EPB41L2: variants seen among roughly 807,000 people sequenced by gnomAD.
The protein encoded by EPB41L2 is band 4.1-like protein 2.
A neutral mutation model predicts 113.0 loss-of-function variants in EPB41L2; 43 were observed. The observed-to-expected ratio is 0.38, with a 90% CI of 0.30 to 0.49. The LOEUF (loss-of-function observed/expected upper bound fraction) is 0.49. EPB41L2 is among the 20% of genes least tolerant of loss of function. The probability of loss-of-function intolerance (pLI) is 0.95; values close to 1 mark genes in which losing one functional copy is unlikely to be tolerated. For synonymous variants in EPB41L2, 442 were observed against 436.7 expected (o/e 1.01, Z -0.15); for missense variants, 1,147 against 1,223.4 (o/e 0.94, Z 0.93).
intron 3 of EPB41L2, among the ~76,000 whole-genome samples, chr6:130,954,102 G>A (rs1816510666): frequency 8.2e-6 from 1 of 121,960 alleles, no homozygotes; most frequent in Non-Finnish European, 1.6e-5. Flanking sequence ...GCCCAGGCTG[G>A]AGTGCAGTGG....
chr6:130,849,216 G>A (rs1348705771), intron 19 of EPB41L2, among the ~76,000 whole-genome samples: 1 of 152,204 alleles, frequency 6.6e-6, no homozygotes, highest in Non-Finnish European at 1.5e-5. Context: ...ACCACAGGGA[G>A]AGCAGGCTCA....
chr6:130,958,888 A>G (rs1048872679), intron 1 of EPB41L2, among the ~76,000 whole-genome samples: 5 of 152,248 alleles, frequency 3.3e-5, no homozygotes, highest in East Asian at 1.9e-4. Flanking sequence ...GAGAAATGTA[A>G]TAAGATTCTC....
intron 12 of EPB41L2, chr6:130,882,916 A>C (rs1310446049): frequency 6.5e-6 from 1 of 152,718 alleles, no homozygotes; most frequent in African/African-American, 2.4e-5. Context: ...TGGGAGAAGG[A>C]CAGTCAGGCT....
intron 1 of EPB41L2, among the ~76,000 whole-genome samples, chr6:131,021,427 T>C (rs548576907): frequency 1.3e-5 from 2 of 152,276 alleles, no homozygotes; most frequent in South Asian, 2.1e-4. Context: ...AAGCAAGGTA[T>C]ACACCCCAAA....
intron 10 of EPB41L2, among the ~76,000 whole-genome samples, chr6:130,893,028 G>A (rs1024665409): frequency 2.0e-5 from 3 of 151,920 alleles, no homozygotes; most frequent in Non-Finnish European, 4.4e-5. Flanking sequence ...CTGAGGAAAC[G>A]GAGAAAACAA....
rs973932464 is a variant in EPB41L2, at chr6:131,045,780, T to A, written c.-15+17375A>T. 2.0e-5 allele frequency among the ~76,000 whole-genome samples: 3 copies of A among 152,160 alleles called. No individual in the cohort carries two copies. In the South Asian group the frequency reaches 6.2e-4, roughly 32 times the overall value. Reference sequence around the variant, plus strand: ...GATAAGCAATCCTTGTTTGTTACCATTAAAAATCACTGGCAAAAATATCTT... The same window carrying A: ...GATAAGCAATCCTTGTTTGTTACCAATAAAAATCACTGGCAAAAATATCTT... On this transcript the variant is annotated intron_variant, in intron 1 of 19. Transcript: ENST00000337057.
At chr6:130,879,529 C>A (rs746509879) in intron 13 of EPB41L2, among the ~76,000 whole-genome samples, 1 of 152,092 alleles carries the variant, frequency 6.6e-6, no homozygotes, top group South Asian at 2.1e-4. Context: ...TCACGTGACA[C>A]GGGGAACATA....
At chr6:130,997,197 G>T (rs932709950) in intron 1 of EPB41L2, among the ~76,000 whole-genome samples, 1 of 152,106 alleles carries the variant, frequency 6.6e-6, no homozygotes, top group African/African-American at 2.4e-5. Flanking sequence ...GGAATTTCCT[G>T]GATTTTATCA....
intron 4 of EPB41L2, among the ~76,000 whole-genome samples, chr6:130,918,160 G>A (rs1274711947): frequency 6.6e-6 from 1 of 152,162 alleles, no homozygotes; most frequent in African/African-American, 2.4e-5. Flanking sequence ...TAGATTGAAT[G>A]TAGAACTTTA....
chr6:130,908,520 T>C (rs879546721), intron 5 of EPB41L2, among the ~76,000 whole-genome samples: 11 of 152,130 alleles, frequency 7.2e-5, no homozygotes, highest in South Asian at 2.1e-4. Context: ...AAAATTTACA[T>C]AGAAAGTAAA....
At chr6:131,019,815 T>C (rs985009907) in intron 1 of EPB41L2, among the ~76,000 whole-genome samples, 2 of 152,124 alleles carry the variant, frequency 1.3e-5, no homozygotes, top group Non-Finnish European at 2.9e-5. Flanking sequence ...TACCTGTAGT[T>C]TTCCTGTTTT....
intron 1 of EPB41L2, among the ~76,000 whole-genome samples, chr6:131,038,433 T>C (rs1031875728): frequency 6.6e-6 from 1 of 152,230 alleles, no homozygotes; most frequent in Non-Finnish European, 1.5e-5. Flanking sequence ...ATTCATAGAA[T>C]AACTTTATTT....
intron 1 of EPB41L2, among the ~76,000 whole-genome samples, chr6:130,970,043 GA>G (rs1156539819): frequency 1.3e-5 from 2 of 152,012 alleles, no homozygotes; most frequent in Non-Finnish European, 2.9e-5. Flanking sequence ...CGGCCCAATG[GA>G]AAAATGTATT....
At chr6:130,917,879 G>A (rs1472708499) in intron 4 of EPB41L2, among the ~76,000 whole-genome samples, 2 of 152,048 alleles carry the variant, frequency 1.3e-5, no homozygotes, top group Admixed American at 6.6e-5. Context: ...CTTGCTTTAG[G>A]TGATCTCTAA....
chr6:130,936,151 AG>A (rs1253082293), intron 3 of EPB41L2, among the ~76,000 whole-genome samples: 2 of 152,222 alleles, frequency 1.3e-5, no homozygotes, highest in Non-Finnish European at 2.9e-5. Context: ...TGGTAATAAA[AG>A]TTTAATGGAA....
intron 1 of EPB41L2, among the ~76,000 whole-genome samples, chr6:130,972,707 T>A (rs915610758): frequency 6.6e-6 from 1 of 152,124 alleles, no homozygotes; most frequent in East Asian, 1.9e-4. Flanking sequence ...GCAAAGTCTT[T>A]AATGGGTCTC....
Position 130,964,468 on chromosome 6 carries a change from G to T in EPB41L2, c.-14-7969C>A, listed in dbSNP as rs761467768. Among the ~76,000 whole-genome samples the T allele has an allele frequency of 2.7e-5, 4 of 145,950 alleles. No individual in the cohort carries two copies. In the South Asian group the frequency reaches 9.0e-4, roughly 33 times the overall value. On this transcript the variant is annotated intron_variant, in intron 1 of 19. Coordinates refer to ENST00000337057, the MANE Select transcript of EPB41L2 (RefSeq NM_001431.4). Reference sequence around the variant, plus strand: ...ACCGCAGACAAGTTATTTTAGCCTTGCTGAGTTTCAGCTTCCTCATAAGCA... The same window carrying T: ...ACCGCAGACAAGTTATTTTAGCCTTTCTGAGTTTCAGCTTCCTCATAAGCA...
chr6:130,996,860 C>A (rs916051984), intron 1 of EPB41L2, among the ~76,000 whole-genome samples: 2 of 152,144 alleles, frequency 1.3e-5, no homozygotes, highest in Non-Finnish European at 2.9e-5. Flanking sequence ...AAGTTTTCTG[C>A]ACTGAACATG....
At chr6:130,864,706 C>G (rs78308818) in intron 17 of EPB41L2, among the ~76,000 whole-genome samples, 14 of 152,336 alleles carry the variant, frequency 9.2e-5, no homozygotes, top group African/African-American at 3.4e-4. Flanking sequence ...TGCTTAATAA[C>G]TGGATATGCT....
Sources: allele counts gnomAD v4.1 joint callset (sites outside exome capture counted in the v4.1 genomes callset), GRCh38; gene constraint gnomAD v4.1.1; transcripts MANE v1.5; gene names NCBI Gene and HGNC (gene_info 2026-07-23, HGNC 2026-07-21).